ARL6IP6: variants seen among roughly 807,000 people sequenced by gnomAD.
ARL6IP6 encodes the protein ARF like GTPase 6 interacting protein 6, also known as ADP-ribosylation factor-like protein 6-interacting protein 6.
In ARL6IP6, 22 loss-of-function variants were observed where a neutral mutation model predicts 21.5. That is an observed-to-expected ratio of 1.02 (90% CI 0.73 to 1.46). ARL6IP6 has a LOEUF of 1.46. Among genes scored for constraint, ARL6IP6 ranks in the 40% most tolerant of loss-of-function variants. ARL6IP6 has a pLI of 0.00. For synonymous variants in ARL6IP6, 164 were observed against 125.3 expected (o/e 1.31, Z -2.06); for missense variants, 388 against 299.8 (o/e 1.29, Z -2.17).
intron 2 of ARL6IP6, among the ~76,000 whole-genome samples, chr2:152,722,797 A>G (rs1030885720): frequency 6.6e-6 from 1 of 152,122 alleles, no homozygotes; most frequent in African/African-American, 2.4e-5. Flanking sequence ...AATCCCACCT[A>G]CTCGGGAGGC....
At chr2:152,754,159 T>C (rs753561106) in intron 3 of ARL6IP6, among the ~76,000 whole-genome samples, 1 of 152,144 alleles carries the variant, frequency 6.6e-6, no homozygotes, top group African/African-American at 2.4e-5. Flanking sequence ...CCATCACTGC[T>C]AGAACATTTC....
chr2:152,750,069 A>G (rs561097757), intron 3 of ARL6IP6, among the ~76,000 whole-genome samples: 1 of 152,328 alleles, frequency 6.6e-6, no homozygotes, highest in East Asian at 1.9e-4. Flanking sequence ...TCATTGTTCT[A>G]GTTTTAAGTA....
At chr2:152,756,609 TA>T (rs1701604275) in intron 3 of ARL6IP6, among the ~76,000 whole-genome samples, 1 of 152,004 alleles carries the variant, frequency 6.6e-6, no homozygotes, top group Admixed American at 6.6e-5. Flanking sequence ...AAGAACTCTA[TA>T]AACCAATAGA....
At chr2:152,744,643 G>C (rs1456515969) in intron 3 of ARL6IP6, among the ~76,000 whole-genome samples, 2 of 151,938 alleles carry the variant, frequency 1.3e-5, no homozygotes, top group Non-Finnish European at 2.9e-5. Flanking sequence ...CAAATCAGCG[G>C]GTATCTGCTA....
intron 3 of ARL6IP6, among the ~76,000 whole-genome samples, chr2:152,741,144 A>AT (rs1700789890): frequency 6.6e-6 from 1 of 152,104 alleles, no homozygotes; most frequent in African/African-American, 2.4e-5. Context: ...TAATGTAAGC[A>AT]TTTTTCCTAA....
At chr2:152,743,983 C>T (rs1411802676) in intron 3 of ARL6IP6, among the ~76,000 whole-genome samples, 2 of 152,114 alleles carry the variant, frequency 1.3e-5, no homozygotes, top group African/African-American at 2.4e-5. Context: ...CTTCAGTTGA[C>T]TTCTATGCTA....
In ARL6IP6 at chr2:152,719,081, C is replaced by T. The variant is rs1326594599; in HGVS notation, c.400+57C>T. The stretch of plus-strand genomic sequence containing the variant: ...AGAGTAAAGTTGAGCCAGGGTGTGG[C>T]TCTCGTCTCCACCCATCTCCCTTTC... On this transcript the variant is annotated intron_variant, in intron 1 of 3. Transcript: ENST00000326446. The T allele has an allele frequency of 8.3e-6, 12 of 1,454,278 alleles. No homozygotes were observed. The South Asian group carries it at 1.2e-4, about 14-fold the overall frequency. 90.1% of individuals were successfully genotyped at this position (1,454,278 alleles called of 1,614,324 possible). A position where few individuals can be genotyped will look rare whatever the true frequency, so the allele number is the denominator to read the frequency against.
intron 2 of ARL6IP6, among the ~76,000 whole-genome samples, chr2:152,725,011 C>A (rs1699973659): frequency 6.6e-6 from 1 of 152,136 alleles, no homozygotes. Context: ...CTGTATGTGT[C>A]AGTGTACACT....
At chr2:152,727,809 G>A (rs80160442) in intron 2 of ARL6IP6, among the ~76,000 whole-genome samples, 9 of 152,224 alleles carry the variant, frequency 5.9e-5, no homozygotes, top group East Asian at 5.8e-4. Context: ...TTGTAAGTAC[G>A]CTCTTGTGAT....
At chr2:152,718,541 A>T, upstream of ARL6IP6, 1 of 1,480,158 alleles carries the variant, frequency 6.8e-7, no homozygotes, top group Admixed American at 2.4e-5. Context: ...GGTAGCGGCC[A>T]CTGCCGCGGA....
At position 152,735,030 on chromosome 2, in the gene ARL6IP6, G is replaced by T; in HGVS notation, c.491G>T (p.Gly164Val). Residue 164 changes from glycine (G) to valine (V), a missense_variant, in exon 3 of 4, where the codon GGA becomes GTA. By Grantham distance (109) the Gly-to-Val change is moderately radical. Transcript: ENST00000326446. ...WTLLIISLTA[G>V]FSCCSFSWTV... ...CTACTTATAATATCCCTAACTGCTG[G>T]ATTCTCCTGTTGCAGCTTTTCTTGG... 6.2e-7 allele frequency: 1 copy of T among 1,613,252 alleles called. No homozygotes were observed. The highest frequency in any genetic ancestry group is 1.7e-4 in the Middle Eastern group (1 of 6,058).
upstream of ARL6IP6, chr2:152,718,568 CG>C: frequency 6.7e-7 from 1 of 1,485,960 alleles, no homozygotes; most frequent in Non-Finnish European, 8.9e-7. Flanking sequence ...GTTGCGGACC[CG>C]GGGCGGGGCA....
chr2:152,759,804 C>G lies in ARL6IP6; in HGVS notation c.645C>G (p.Ile215Met). ...ATAGCATGGCGATTTTGAATGGCAT[C>G]GTAGCTGCTCTTACTGTAGCATGGT... is the stretch of plus-strand genomic sequence containing the variant. The part of the protein sequence containing the change: ...MGYSMAILNG[I>M]VAALTVAWCL... The change falls in exon 4 of 4, where the codon ATC (isoleucine) becomes ATG (methionine). Residue 215 changes from isoleucine (I) to methionine (M), a missense_variant. Physicochemically the swap from Ile to Met is conservative, Grantham distance 10 (BLOSUM62 1). Coordinates refer to ENST00000326446, the MANE Select transcript of ARL6IP6 (RefSeq NM_152522.7). 1.2e-6 allele frequency: 2 copies of G among 1,613,448 alleles called. No homozygotes were observed. Among genetic ancestry groups the G allele is most frequent in the Non-Finnish European group, 1.7e-6 (2 of 1,179,554 alleles).
At chr2:152,729,958 A>G in intron 2 of ARL6IP6, among the ~76,000 whole-genome samples, 1 of 152,194 alleles carries the variant, frequency 6.6e-6, no homozygotes, top group East Asian at 1.9e-4. Flanking sequence ...TGACTTGTAA[A>G]AAATTTAGTT....
chr2:152,761,207 G>A lies in ARL6IP6; in HGVS notation c.*1367G>A, dbSNP rs1701829366. On this transcript the variant is annotated 3_prime_UTR_variant, in exon 4 of 4. Coordinates refer to ENST00000326446, the MANE Select transcript of ARL6IP6 (RefSeq NM_152522.7). ...TTTCTTTTACTATTCAAAACTCTTT[G>A]GTTGGAAATGACTAATACTGCTCCA... 1 of 152,182 alleles carries A rather than the reference G, an allele frequency of 6.6e-6. No individual in the cohort carries two copies. Among genetic ancestry groups the A allele is most frequent in the African/African-American group, 2.4e-5 (1 of 41,522 alleles). The allele number at this position is 152,182 out of a possible 1,614,324, so 9.4% of individuals were successfully genotyped here.
intron 1 of ARL6IP6, among the ~76,000 whole-genome samples, chr2:152,719,359 A>G (rs1362694365): frequency 1.3e-5 from 2 of 152,240 alleles, no homozygotes; most frequent in Admixed American, 6.5e-5. Flanking sequence ...GGAGACAGTG[A>G]AAAGTGCATA....
intron 2 of ARL6IP6, among the ~76,000 whole-genome samples, chr2:152,722,707 A>G (rs1367819853): frequency 6.6e-6 from 1 of 152,192 alleles, no homozygotes; most frequent in East Asian, 1.9e-4. Context: ...GTTCGAGACC[A>G]GCCTGAACAA....
At chr2:152,755,204 C>T (rs1475987845) in intron 3 of ARL6IP6, among the ~76,000 whole-genome samples, 1 of 152,190 alleles carries the variant, frequency 6.6e-6, no homozygotes, top group Admixed American at 6.5e-5. Flanking sequence ...GCGGTAACGC[C>T]AGCATCTGCG....
At chr2:152,752,054 A>G (rs1027650125) in intron 3 of ARL6IP6, among the ~76,000 whole-genome samples, 5 of 152,216 alleles carry the variant, frequency 3.3e-5, no homozygotes, top group Admixed American at 6.5e-5. Flanking sequence ...GATCTAAATT[A>G]CGTAATAAAG....
Sources: gnomAD v4.1 joint callset for allele counts (sites outside exome capture counted in the v4.1 genomes callset) on GRCh38, gnomAD v4.1.1 for gene constraint, MANE v1.5 for transcripts, NCBI Gene and HGNC (gene_info 2026-07-23, HGNC 2026-07-21) for gene names.